The following SND1 variants were observed in gnomAD, a reference collection of about 807,000 sequenced individuals.
The protein encoded by SND1 is staphylococcal nuclease domain-containing protein 1.
SND1 carries 38 observed loss-of-function variants against 121.7 expected under a neutral mutation model. That is an observed-to-expected ratio of 0.31 (90% confidence interval 0.24 to 0.41). The LOEUF (loss-of-function observed/expected upper bound fraction) is 0.41. Among genes scored for constraint, SND1 ranks in the 10% least tolerant of loss-of-function variants. The probability of loss-of-function intolerance (pLI) is 1.00; values close to 1 mark genes in which losing one functional copy is unlikely to be tolerated. For synonymous variants in SND1, 401 were observed against 447.4 expected, an observed-to-expected ratio of 0.90 and a Z score of 1.31; for missense variants, 868 against 1,184.6, an observed-to-expected ratio of 0.73 and a Z score of 3.92.
intron 10 of SND1, among the ~76,000 whole-genome samples, chr7:127,802,568 G>A (rs1798154187): frequency 6.6e-6 from 1 of 151,906 alleles, no homozygotes; most frequent in South Asian, 2.1e-4. Flanking sequence ...TTTTCCTTCC[G>A]CCCTGCTTAC....
intron 1 of SND1, among the ~76,000 whole-genome samples, chr7:127,669,565 T>A (rs1357484608): frequency 6.6e-6 from 1 of 152,228 alleles, no homozygotes; most frequent in Non-Finnish European, 1.5e-5. Flanking sequence ...TTCTATCATC[T>A]CTTCTATGAT....
intron 11 of SND1, among the ~76,000 whole-genome samples, chr7:127,826,699 G>A (rs2116615783): frequency 6.6e-6 from 1 of 152,194 alleles, no homozygotes; most frequent in Admixed American, 6.5e-5. Context: ...AGGTACTAAT[G>A]ATTAATTTAT....
chr7:128,085,929 C>G lies in SND1; in HGVS notation c.2304+149C>G. Reference sequence around the variant, plus strand: ...CTGCTGTGCGTGTAACAGGCCAGGCCCCCTCAGTGACCTGGCAAAACTGGG... The same window carrying G: ...CTGCTGTGCGTGTAACAGGCCAGGCGCCCTCAGTGACCTGGCAAAACTGGG... On this transcript the variant is annotated intron_variant, in intron 20 of 23. Coordinates refer to ENST00000354725, the MANE Select transcript of SND1 (RefSeq NM_014390.4). This position sits in a 1 kb window ranked among gnomAD's most constrained non-coding sequence, Gnocchi z 4.4. 2 of 705,588 alleles carry G rather than the reference C, an allele frequency of 2.8e-6. No homozygotes were observed. The highest frequency in any genetic ancestry group is 4.8e-6 in the Non-Finnish European group (2 of 418,790). 43.7% of individuals were successfully genotyped at this position (705,588 alleles called of 1,614,324 possible).
chr7:127,990,164 A>G (rs1802488831), intron 15 of SND1, among the ~76,000 whole-genome samples: 1 of 152,212 alleles, frequency 6.6e-6, no homozygotes, highest in African/African-American at 2.4e-5. Context: ...GCATCGTTCT[A>G]AATAATCTCT....
intron 11 of SND1, among the ~76,000 whole-genome samples, chr7:127,812,399 C>T (rs1327362698): frequency 2.6e-5 from 4 of 152,290 alleles, no homozygotes; most frequent in East Asian, 1.9e-4. Context: ...TTCATCAAGT[C>T]GTTCTTCAGA....
intron 10 of SND1, among the ~76,000 whole-genome samples, chr7:127,797,180 G>T (rs977732036): frequency 3.3e-5 from 5 of 152,006 alleles, no homozygotes; most frequent in Admixed American, 6.6e-5. Flanking sequence ...GGTGTGAGCC[G>T]CTGTGCCCGG....
At chr7:127,878,028 T>C (rs1044595136) in intron 12 of SND1, among the ~76,000 whole-genome samples, 18 of 152,276 alleles carry the variant, frequency 1.2e-4, no homozygotes, top group African/African-American at 4.3e-4. Flanking sequence ...GTTTCTTTCA[T>C]GCAGCATTTC....
intron 10 of SND1, among the ~76,000 whole-genome samples, chr7:127,771,593 G>A (rs1797513362): frequency 6.6e-6 from 1 of 151,904 alleles, no homozygotes; most frequent in Non-Finnish European, 1.5e-5. Context: ...AGGCTTATTG[G>A]AGATATATCA....
At chr7:128,066,068 C>T (rs545329445) in intron 16 of SND1, among the ~76,000 whole-genome samples, 2 of 152,298 alleles carry the variant, frequency 1.3e-5, no homozygotes, top group South Asian at 4.1e-4. Flanking sequence ...ACTGTGTTAG[C>T]GCTCGCAAAG....
At chr7:127,755,378 C>G (rs1380407576) in intron 10 of SND1, among the ~76,000 whole-genome samples, 3 of 152,196 alleles carry the variant, frequency 2.0e-5, no homozygotes, top group African/African-American at 7.2e-5. Context: ...TTCCTTCTTT[C>G]TCCCTCTTTG....
chr7:127,842,646 G>A (rs1399288878), intron 11 of SND1, among the ~76,000 whole-genome samples: 1 of 152,028 alleles, frequency 6.6e-6, no homozygotes, highest in Admixed American at 6.6e-5. Context: ...CTTTGTAATT[G>A]TTATCTTGTT....
intron 10 of SND1, among the ~76,000 whole-genome samples, chr7:127,730,989 C>T (rs1375842840): frequency 1.3e-5 from 2 of 152,208 alleles, no homozygotes; most frequent in Admixed American, 6.5e-5. Flanking sequence ...CATTCATATT[C>T]GTATGGAGCT....
At chr7:127,956,198 C>A (rs1391619079) in intron 15 of SND1, among the ~76,000 whole-genome samples, 1 of 152,208 alleles carries the variant, frequency 6.6e-6, no homozygotes, top group Non-Finnish European at 1.5e-5. Flanking sequence ...GATGTTGCAT[C>A]TGTGTATGCC....
intron 10 of SND1, among the ~76,000 whole-genome samples, chr7:127,751,109 G>A (rs1797083108): frequency 6.6e-6 from 1 of 151,996 alleles, no homozygotes; most frequent in Non-Finnish European, 1.5e-5. Context: ...AAACAGCTCT[G>A]TTTTAAGTGT....
intron 16 of SND1, among the ~76,000 whole-genome samples, chr7:128,042,136 G>A (rs879602167): frequency 1.5e-4 from 23 of 152,054 alleles, no homozygotes; most frequent in African/African-American, 2.2e-4. Flanking sequence ...GAGGCTACTC[G>A]ATTTGTATTC....
chr7:127,799,007 A>G (rs112847951), intron 10 of SND1, among the ~76,000 whole-genome samples: 221 of 149,274 alleles, frequency 1.5e-3, no homozygotes, highest in African/African-American at 5.1e-3. Context: ...TTGTCATGCC[A>G]TTGCATCAGG....
At chr7:127,843,512 G>T (rs959402137) in intron 11 of SND1, among the ~76,000 whole-genome samples, 1 of 152,112 alleles carries the variant, frequency 6.6e-6, no homozygotes, top group Non-Finnish European at 1.5e-5. Context: ...CTTTTAAAGT[G>T]TCTGCTTTCA....
chr7:127,989,142 C>T (rs1464417984), intron 15 of SND1, among the ~76,000 whole-genome samples: 1 of 152,194 alleles, frequency 6.6e-6, no homozygotes, highest in Non-Finnish European at 1.5e-5. Context: ...AAAATACGTT[C>T]CACCCCTCCC....
chr7:127,733,484 C>T (rs932274650), intron 10 of SND1, among the ~76,000 whole-genome samples: 26 of 152,184 alleles, frequency 1.7e-4, no homozygotes, highest in Non-Finnish European at 3.2e-4. Context: ...GACTTTGGTA[C>T]ATCTGTCTTT....
Sources: gnomAD v4.1 joint callset for allele counts (sites outside exome capture counted in the v4.1 genomes callset) on GRCh38, gnomAD v4.1.1 for gene constraint, Gnocchi (gnomAD v3.1) non-coding constraint, MANE v1.5 for transcripts, NCBI Gene and HGNC (gene_info 2026-07-23, HGNC 2026-07-21) for gene names.